The following ZDHHC20 variants were observed in gnomAD, a reference collection of about 807,000 sequenced individuals.
ZDHHC20 encodes the protein palmitoyltransferase ZDHHC20.
Under a neutral mutation model 57.8 loss-of-function variants are expected in ZDHHC20, and 43 were observed. That is an observed-to-expected ratio of 0.74 (90% CI 0.58 to 0.96). The LOEUF (loss-of-function observed/expected upper bound fraction) is 0.96, where lower values mean the gene tolerates loss of function less well. ZDHHC20 is among the 40% of genes least tolerant of loss of function. The probability of loss-of-function intolerance (pLI) is 0.00; values close to 1 mark genes in which losing one functional copy is unlikely to be tolerated. For missense variants in ZDHHC20, 391 were observed against 441.1 expected (o/e 0.89, Z 1.02); for synonymous variants, 157 against 153.0 (o/e 1.03, Z -0.19).
intron 3 of ZDHHC20, among the ~76,000 whole-genome samples, chr13:21,419,575 T>C (rs570818117): frequency 5.9e-5 from 9 of 152,318 alleles, no homozygotes; most frequent in African/African-American, 1.9e-4. Context: ...ATCTTACAAA[T>C]AGAATGTTAA....
chr13:21,430,619 T>G (rs1420482773), intron 1 of ZDHHC20, among the ~76,000 whole-genome samples: 1 of 152,086 alleles, frequency 6.6e-6, no homozygotes, highest in Non-Finnish European at 1.5e-5. Flanking sequence ...TGTTTTTGGC[T>G]AGAGTAGGGC....
intron 1 of ZDHHC20, among the ~76,000 whole-genome samples, chr13:21,430,185 T>C (rs1881746996): frequency 6.6e-6 from 1 of 152,148 alleles, no homozygotes; most frequent in Non-Finnish European, 1.5e-5. Flanking sequence ...CTAGATCTTA[T>C]TTAAATTTGT....
intron 5 of ZDHHC20, among the ~76,000 whole-genome samples, chr13:21,402,335 TC>T (rs1231921194): frequency 6.6e-6 from 1 of 151,986 alleles, no homozygotes; most frequent in Non-Finnish European, 1.5e-5. Flanking sequence ...CCCACCAAAC[TC>T]CAAATTTGCC....
chr13:21,431,147 A>C (rs1566102848), intron 1 of ZDHHC20, among the ~76,000 whole-genome samples: 1 of 152,240 alleles, frequency 6.6e-6, no homozygotes, highest in Admixed American at 6.5e-5. Flanking sequence ...CTGGTGATAA[A>C]GACATACCCA....
chr13:21,405,866 CTAAGT>C (rs1256094240), intron 4 of ZDHHC20, among the ~76,000 whole-genome samples: 25 of 152,188 alleles, frequency 1.6e-4, no homozygotes, highest in African/African-American at 5.8e-4. Flanking sequence ...ATTGGAAGGG[CTAAGT>C]TAAGTCCCTG....
At chr13:21,380,635 AC>A (rs1275158118) in intron 11 of ZDHHC20, among the ~76,000 whole-genome samples, 1 of 151,400 alleles carries the variant, frequency 6.6e-6, no homozygotes, top group Admixed American at 6.6e-5. Context: ...CTACTATAAT[AC>A]AAAAAATTAG....
chr13:21,380,553 G>A (rs191782283), intron 11 of ZDHHC20, among the ~76,000 whole-genome samples: 9 of 151,876 alleles, frequency 5.9e-5, no homozygotes, highest in Admixed American at 3.9e-4. Flanking sequence ...CAGCACTTTG[G>A]GGGGCTGAGG....
intron 1 of ZDHHC20, among the ~76,000 whole-genome samples, chr13:21,457,335 A>G (rs553349897): frequency 6.6e-6 from 1 of 152,330 alleles, no homozygotes; most frequent in Non-Finnish European, 1.5e-5. Flanking sequence ...ATCTTCTGAC[A>G]GAATAGGAAT....
rs370651240 is a variant in ZDHHC20, at chr13:21,424,386, A to G, written c.145+1266T>C. Among the ~76,000 whole-genome samples the G allele has an allele frequency of 1.2e-4, 18 of 152,302 alleles. No homozygotes were observed. The East Asian group carries it at 3.1e-3, about 26-fold the overall frequency. On this transcript the variant is annotated intron_variant, in intron 2 of 12. Transcript: ENST00000400590. ...TCACCCGTAACTGAATTTAAAAACAAACAAGCTAACAACAACAAAAGACTG... is the reference window on the plus strand; with the variant it reads ...TCACCCGTAACTGAATTTAAAAACAGACAAGCTAACAACAACAAAAGACTG...
chr13:21,390,885 G>A (rs1412907008), intron 8 of ZDHHC20, among the ~76,000 whole-genome samples: 3 of 150,312 alleles, frequency 2.0e-5, no homozygotes, highest in Non-Finnish European at 4.4e-5. Context: ...GAGCAAGAGT[G>A]AGACTCTGTC....
chr13:21,434,029 G>A (rs1882283466), intron 1 of ZDHHC20, among the ~76,000 whole-genome samples: 1 of 151,930 alleles, frequency 6.6e-6, no homozygotes, highest in Admixed American at 6.6e-5. Context: ...CAGTTTCTTT[G>A]GGATTTTCTA....
At chr13:21,391,251 G>A (rs1875656915) in intron 8 of ZDHHC20, among the ~76,000 whole-genome samples, 1 of 152,152 alleles carries the variant, frequency 6.6e-6, no homozygotes, top group Non-Finnish European at 1.5e-5. Context: ...ACAGGTGTGA[G>A]CCACTGTGCC....
At chr13:21,407,956 C>G (rs1265867755) in intron 4 of ZDHHC20, among the ~76,000 whole-genome samples, 1 of 152,120 alleles carries the variant, frequency 6.6e-6, no homozygotes, top group Admixed American at 6.5e-5. Flanking sequence ...TCTGAGGCCT[C>G]TGTTTTGTTC....
chr13:21,378,589 C>T, intron 12 of ZDHHC20, 72 bp downstream of exon 12: 2 of 901,798 alleles, frequency 2.2e-6, no homozygotes, highest in East Asian at 3.3e-5. Flanking sequence ...AATACAACTG[C>T]AAATTGTTTA....
intron 4 of ZDHHC20, among the ~76,000 whole-genome samples, chr13:21,409,291 T>C (rs1256235445): frequency 6.6e-6 from 1 of 152,208 alleles, no homozygotes; most frequent in African/African-American, 2.4e-5. Flanking sequence ...TCAGAACTTG[T>C]TATTGGTCAA....
rs1873425184 is a variant in ZDHHC20 at position 21,381,563 on chromosome 13, C to G, written c.945-14G>C. ...TTTGAGCCACTACTGAAAAGAAGAG[C>G]AAACAACTTAGTAAACAGCTTAATG... On this transcript the variant is annotated splice_polypyrimidine_tract_variant and intron_variant, in intron 10 of 12. Transcript: ENST00000400590. 1 of 1,573,342 alleles carries G rather than the reference C, an allele frequency of 6.4e-7. No individual in the cohort carries two copies. The highest frequency in any genetic ancestry group is 1.3e-5 in the African/African-American group (1 of 74,174).
At chr13:21,383,352 A>C (rs1873780700) in intron 9 of ZDHHC20, among the ~76,000 whole-genome samples, 1 of 152,154 alleles carries the variant, frequency 6.6e-6, no homozygotes, top group African/African-American at 2.4e-5. Flanking sequence ...TTCCCCTGGC[A>C]CATACTCTTG....
In ZDHHC20 at chr13:21,381,492, C is replaced by G; in HGVS notation, c.1002G>C (p.Leu334Phe). 1 of 1,613,890 alleles carries G rather than the reference C, an allele frequency of 6.2e-7. No homozygotes were observed. The highest frequency in any genetic ancestry group is 1.1e-5 in the South Asian group (1 of 91,072). ...IKPLSESKNR[L>F]LDSESQWLEN... ...CCAGCCACTGAGATTCACTGTCCAA[C>G]AAGCGGTTTTTTGATTCACTAAGTG... is the stretch of plus-strand genomic sequence containing the variant. Residue 334 changes from leucine (L) to phenylalanine (F), a missense_variant, in exon 11 of 13, where the codon TTG becomes TTC. Physicochemically the swap from Leu to Phe is conservative, Grantham distance 22. Transcript: ENST00000400590.
chr13:21,414,575 G>T (rs1212802962), intron 3 of ZDHHC20, among the ~76,000 whole-genome samples: 2 of 142,096 alleles, frequency 1.4e-5, no homozygotes, highest in African/African-American at 2.6e-5. Context: ...GTTTCACCGT[G>T]TTAGCCAGGA....
Sources: allele counts gnomAD v4.1 joint callset (sites outside exome capture counted in the v4.1 genomes callset), GRCh38; gene constraint gnomAD v4.1.1; transcripts MANE v1.5; gene names NCBI Gene and HGNC (gene_info 2026-07-23, HGNC 2026-07-21).